Variants in TEX2 observed in about 807,000 individuals in gnomAD.
TEX2 encodes the protein testis expressed 2.
Under a neutral mutation model 106.9 loss-of-function variants are expected in TEX2, and 53 were observed. The observed-to-expected ratio is 0.50, with a 90% CI of 0.40 to 0.62. The LOEUF is 0.62. TEX2 is among the 20% of genes least tolerant of loss of function. The pLI is 0.00. For missense variants in TEX2, 1,207 were observed against 1,379.0 expected (o/e 0.88, Z 1.98); for synonymous variants, 523 against 534.8 (o/e 0.98, Z 0.30).
chr17:64,225,502 A>G (rs1555633774), intron 1 of TEX2, among the ~76,000 whole-genome samples: 1 of 152,124 alleles, frequency 6.6e-6, no homozygotes, highest in Non-Finnish European at 1.5e-5. Context: ...TTATATTTAA[A>G]TCTTAAAAAG....
chr17:64,240,628 T>C (rs1045169119), intron 1 of TEX2, among the ~76,000 whole-genome samples: 14 of 152,126 alleles, frequency 9.2e-5, no homozygotes, highest in African/African-American at 2.4e-4. Context: ...AAATAAAGTC[T>C]ACCTCCTAGC....
At chr17:64,171,233 A>G in intron 6 of TEX2, 34 bp from the exon 7 acceptor site, 1 of 1,558,262 alleles carries the variant, frequency 6.4e-7, no homozygotes, top group Non-Finnish European at 8.8e-7. Flanking sequence ...AGTGAGACCC[A>G]TGAGCAACCT....
intron 1 of TEX2, among the ~76,000 whole-genome samples, chr17:64,247,220 G>C (rs1476062816): frequency 6.6e-6 from 1 of 150,646 alleles, no homozygotes; most frequent in Non-Finnish European, 1.5e-5. Context: ...AGTGAGCTGA[G>C]ATCAGGCCAT....
intron 1 of TEX2, among the ~76,000 whole-genome samples, chr17:64,261,892 A>G (rs562543281): frequency 1.3e-5 from 2 of 152,286 alleles, no homozygotes; most frequent in East Asian, 1.9e-4. Context: ...CATTCTTCCA[A>G]TATGAGACAA....
At chr17:64,172,253 T>C (rs1405754120) in intron 6 of TEX2, among the ~76,000 whole-genome samples, 1 of 150,580 alleles carries the variant, frequency 6.6e-6, no homozygotes, top group Non-Finnish European at 1.5e-5. Flanking sequence ...CTCAGGAGGC[T>C]GAGGCAGGAG....
At chr17:64,171,979 CAA>C (rs11322413) in intron 6 of TEX2, among the ~76,000 whole-genome samples, 441 of 133,238 alleles carry the variant, frequency 3.3e-3, no homozygotes, top group Admixed American at 5.5e-3. Flanking sequence ...GACTCTGCGT[CAA>C]AAAAAAAAAA....
chr17:64,218,771 G>A (rs782486929), intron 1 of TEX2, among the ~76,000 whole-genome samples: 21 of 152,042 alleles, frequency 1.4e-4, no homozygotes, highest in Admixed American at 1.2e-3. Flanking sequence ...GCTGGCCAGC[G>A]TGGAACACCA....
chr17:64,212,810 C>G lies in TEX2; in HGVS notation c.1408G>C (p.Glu470Gln). Reference sequence around the variant, plus strand: ...AAGCCCAACGTCTTCACTGGCAATTCCGGGTGCTGCACGGCCGAGTCCACC... The same window carrying G: ...AAGCCCAACGTCTTCACTGGCAATTGCGGGTGCTGCACGGCCGAGTCCACC... ...DEVDSAVQHP[E>Q]LPVKTLGFFI... The change falls in exon 2 of 12, where the codon GAA becomes CAA. Residue 470 changes from glutamate to glutamine, a missense_variant. Around this residue, in one of 3 missense-constraint regions of TEX2, gnomAD observed 1,067 missense variants for 1,193.6 expected, o/e 0.89. Coordinates refer to ENST00000584379, the MANE Select transcript of TEX2 (RefSeq NM_001288732.2). 6.2e-7 allele frequency: 1 copy of G among 1,614,116 alleles called. No individual in the cohort carries two copies. The highest frequency in any genetic ancestry group is 1.1e-5 in the South Asian group (1 of 91,086).
chr17:64,255,914 A>T (rs564340426), intron 1 of TEX2: 1 of 152,356 alleles, frequency 6.6e-6, no homozygotes, highest in East Asian at 1.9e-4. Context: ...ATCTGCCCGC[A>T]TCCAAACACT....
chr17:64,193,730 T>G lies in TEX2; in HGVS notation c.2005A>C (p.Lys669Gln). The part of the protein sequence containing the change: ...KPPAEGSEDP[K>Q]KPPRPQEGTR... The stretch of plus-strand genomic sequence containing the variant: ...CCCTCCTGAGGGCGGGGTGGCTTCT[T>G]AGGGTCCTCACTTCCCTCAGCTGGC... The change falls in exon 4 of 12, where the codon AAG becomes CAG. Residue 669 changes from lysine to glutamine, a missense_variant. Physicochemically the swap from Lys to Gln is moderately conservative, Grantham distance 53 (BLOSUM62 1). Around this residue, in one of 3 missense-constraint regions of TEX2, gnomAD observed 1,067 missense variants for 1,193.6 expected, o/e 0.89. Transcript: ENST00000584379. The G allele has an allele frequency of 1.9e-6, 3 of 1,613,598 alleles. No individual in the cohort carries two copies. Among genetic ancestry groups the G allele is most frequent in the Non-Finnish European group, 2.5e-6 (3 of 1,179,682 alleles).
At chr17:64,150,996 C>A in intron 10 of TEX2, 35 bp from the exon 11 acceptor site, 1 of 1,608,646 alleles carries the variant, frequency 6.2e-7, no homozygotes, top group Non-Finnish European at 8.5e-7. Flanking sequence ...CATTTAGAAG[C>A]AAAGCAAGGA....
intron 1 of TEX2, among the ~76,000 whole-genome samples, chr17:64,235,910 A>G (rs1222356947): frequency 1.3e-5 from 2 of 152,168 alleles, no homozygotes; most frequent in African/African-American, 2.4e-5. Flanking sequence ...CAAACAAGCT[A>G]TATCAGATGA....
Position 64,212,831 on chromosome 17 carries a change from C to T in TEX2, c.1387G>A (p.Asp463Asn), listed in dbSNP as rs150175049. 2.2e-3 allele frequency: 3,597 copies of T among 1,614,112 alleles called. 5 individuals carry two copies. Among genetic ancestry groups the T allele is most frequent in the Non-Finnish European group, 2.9e-3 (3,419 of 1,180,042 alleles). Residue 463 changes from aspartate (D) to asparagine (N), a missense_variant, in exon 2 of 12, where the codon GAC (aspartate) becomes AAC (asparagine). Coordinates refer to ENST00000584379, the MANE Select transcript of TEX2 (RefSeq NM_001288732.2). ...GVVLDSEDEV[D>N]SAVQHPELPV... is the part of the protein sequence containing the mutation. ...AATTCCGGGTGCTGCACGGCCGAGT[C>T]CACCTCGTCCTCACTGTCAAGGACC... is the stretch of plus-strand genomic sequence containing the variant.
chr17:64,161,063 G>T, intron 7 of TEX2, 130 bp from the exon 8 acceptor site: 1 of 974,886 alleles, frequency 1.0e-6, no homozygotes, highest in South Asian at 1.6e-5. Context: ...TACTCTAGTT[G>T]AGAAGAGGAC....
At position 64,213,174 on chromosome 17, in the gene TEX2, C is replaced by T; in HGVS notation, c.1044G>A (p.Glu348=). The change falls in exon 2 of 12, where the codon GAG becomes GAA. Residue 348 remains glutamate, a synonymous_variant. Coordinates refer to ENST00000584379, the MANE Select transcript of TEX2 (RefSeq NM_001288732.2). This position sits in a 1 kb window ranked among gnomAD's most constrained non-coding sequence, Gnocchi z 4.4. ...LESNNNYSIK[E]EECDSEGDGY... ...CATCCCCCTCAGAATCACACTCCTC[C>T]TCCTTGATGCTGTAGTTGTTATTGC... 1 of 1,614,188 alleles carries T rather than the reference C, an allele frequency of 6.2e-7. No homozygotes were observed. Among genetic ancestry groups the T allele is most frequent in the Non-Finnish European group, 8.5e-7 (1 of 1,180,044 alleles).
At chr17:64,183,963 G>T (rs939983981) in intron 5 of TEX2, among the ~76,000 whole-genome samples, 3 of 152,092 alleles carry the variant, frequency 2.0e-5, no homozygotes, top group African/African-American at 7.2e-5. Context: ...GTGGCCATCT[G>T]GGTGGGTGTG....
chr17:64,191,218 C>T (rs2032284450), intron 4 of TEX2, among the ~76,000 whole-genome samples: 1 of 152,222 alleles, frequency 6.6e-6, no homozygotes, highest in Non-Finnish European at 1.5e-5. Context: ...GGTTTTCCCA[C>T]ATCTCTGACT....
intron 7 of TEX2, among the ~76,000 whole-genome samples, chr17:64,166,800 G>A (rs2031160394): frequency 6.6e-6 from 1 of 152,168 alleles, no homozygotes; most frequent in African/African-American, 2.4e-5. Flanking sequence ...CCCTAATGGA[G>A]TTAATAAAAT....
In TEX2 at chr17:64,205,590, G is replaced by A. The variant is rs1367794548; in HGVS notation, c.1644+6984C>T. Among the ~76,000 whole-genome samples the A allele has an allele frequency of 3.9e-5, 6 of 152,158 alleles. No homozygotes were observed. Among genetic ancestry groups the A allele is most frequent in the Admixed American group, 3.9e-4 (6 of 15,288 alleles). ...ACTTGCTTACTCTAATTTCTTGAAA[G>A]AATTTCAACAAATTGAGATTAAATT... On this transcript the variant is annotated intron_variant, in intron 2 of 11. Transcript: ENST00000584379. This position sits in a 1 kb window ranked among gnomAD's most constrained non-coding sequence, Gnocchi z 4.0.
Sources: allele counts gnomAD v4.1 joint callset (sites outside exome capture counted in the v4.1 genomes callset), GRCh38; gene constraint gnomAD v4.1.1; regional missense constraint gnomAD v4.1.1; non-coding constraint Gnocchi (gnomAD v3.1); transcripts MANE v1.5; gene names NCBI Gene and HGNC (gene_info 2026-07-23, HGNC 2026-07-21).